ITGA9: variants seen among roughly 807,000 people sequenced by gnomAD.
ITGA9 encodes the protein integrin subunit alpha 9, also known as integrin alpha-9.
A neutral mutation model predicts 127.8 loss-of-function variants in ITGA9; 56 were observed. That is an observed-to-expected ratio of 0.44 (90% CI 0.35 to 0.55). ITGA9 has a LOEUF of 0.55. Among genes scored for constraint, ITGA9 ranks in the 20% least tolerant of loss-of-function variants. The pLI, the probability that ITGA9 is intolerant of heterozygous loss-of-function variation, is 0.00. For missense variants in ITGA9, 1,196 were observed against 1,347.1 expected, an observed-to-expected ratio of 0.89 and a Z score of 1.76; for synonymous variants, 508 against 514.5, an observed-to-expected ratio of 0.99 and a Z score of 0.17.
intron 20 of ITGA9, among the ~76,000 whole-genome samples, chr3:37,739,676 C>T (rs1448092820): frequency 2.6e-5 from 4 of 152,206 alleles, no homozygotes; most frequent in African/African-American, 9.7e-5. Context: ...TTTGGAATGA[C>T]GGGAAGCCTT....
chr3:37,495,115 C>T (rs537662078), intron 5 of ITGA9, among the ~76,000 whole-genome samples: 21 of 152,134 alleles, frequency 1.4e-4, no homozygotes, highest in African/African-American at 3.6e-4. Context: ...AGGCGCCCAC[C>T]GCCACACCTG....
At chr3:37,512,033 T>C (rs1698918935) in intron 8 of ITGA9, among the ~76,000 whole-genome samples, 2 of 44,744 alleles carry the variant, frequency 4.5e-5, no homozygotes, top group Non-Finnish European at 8.7e-5. Flanking sequence ...CTTTTCTTTC[T>C]TTCTTTCTTT....
chr3:37,682,869 C>T (rs72857294), intron 17 of ITGA9, among the ~76,000 whole-genome samples: 1,747 of 152,274 alleles, frequency 0.011, 42 homozygotes, highest in African/African-American at 0.04. Flanking sequence ...CCTCAGCTGC[C>T]ATCACCCTGG....
chr3:37,703,816 A>G (rs1700974253), intron 18 of ITGA9, among the ~76,000 whole-genome samples: 1 of 152,200 alleles, frequency 6.6e-6, no homozygotes, highest in African/African-American at 2.4e-5. Flanking sequence ...ACAGCAACCC[A>G]GTGAGGTATG....
At chr3:37,486,161 C>T (rs1698608223) in intron 4 of ITGA9, among the ~76,000 whole-genome samples, 1 of 152,204 alleles carries the variant, frequency 6.6e-6, no homozygotes, top group Non-Finnish European at 1.5e-5. Flanking sequence ...AGTGAGACTG[C>T]AAACAAGTTG....
chr3:37,625,684 G>C (rs183027871), intron 15 of ITGA9, among the ~76,000 whole-genome samples: 1 of 152,300 alleles, frequency 6.6e-6, no homozygotes, highest in East Asian at 1.9e-4. Context: ...ATCCTAAGGA[G>C]TTTCTCTGCT....
At chr3:37,497,137 A>C (rs112342963) in intron 5 of ITGA9, among the ~76,000 whole-genome samples, 7,267 of 152,200 alleles carry the variant, frequency 0.048, 477 homozygotes, top group South Asian at 0.2. Context: ...TGTTCTCAGT[A>C]CATTATTCTG....
chr3:37,784,445 C>T (rs1402647050), intron 25 of ITGA9, among the ~76,000 whole-genome samples: 1 of 152,176 alleles, frequency 6.6e-6, no homozygotes, highest in African/African-American at 2.4e-5. Context: ...CCTTCCCCAT[C>T]TCTCCATCAG....
At chr3:37,506,611 A>G (rs1698846421) in intron 7 of ITGA9, among the ~76,000 whole-genome samples, 1 of 152,216 alleles carries the variant, frequency 6.6e-6, no homozygotes, top group African/African-American at 2.4e-5. Flanking sequence ...CTTTCCCTAA[A>G]CTATAGTATC....
intron 18 of ITGA9, among the ~76,000 whole-genome samples, chr3:37,694,452 G>A (rs1426875814): frequency 1.3e-5 from 2 of 152,230 alleles, no homozygotes; most frequent in Non-Finnish European, 2.9e-5. Flanking sequence ...AGGAAGTGGT[G>A]GAGAAACGCA....
intron 23 of ITGA9, among the ~76,000 whole-genome samples, chr3:37,756,905 C>A (rs9849735): frequency 0.071 from 10,723 of 151,950 alleles, 1,138 homozygotes; most frequent in African/African-American, 0.23. Flanking sequence ...ATTTTAAACA[C>A]CATTCAAATT....
At chr3:37,563,583 A>G (rs964629769) in intron 15 of ITGA9, among the ~76,000 whole-genome samples, 2 of 152,028 alleles carry the variant, frequency 1.3e-5, no homozygotes, top group African/African-American at 4.8e-5. Flanking sequence ...ATTCTTTCTC[A>G]TTTTCTCCTG....
At chr3:37,703,366 A>T (rs1212925903) in intron 18 of ITGA9, among the ~76,000 whole-genome samples, 2 of 152,212 alleles carry the variant, frequency 1.3e-5, no homozygotes, top group African/African-American at 4.8e-5. Context: ...GAAGTTTTTG[A>T]TCAATTGGGT....
chr3:37,467,649 G>A (rs1240840855), intron 1 of ITGA9, among the ~76,000 whole-genome samples: 1 of 152,186 alleles, frequency 6.6e-6, no homozygotes, highest in Non-Finnish European at 1.5e-5. Context: ...TCACTCTTGT[G>A]AATTTTTTTG....
intron 15 of ITGA9, among the ~76,000 whole-genome samples, chr3:37,600,134 C>T (rs1699903583): frequency 6.6e-6 from 1 of 152,200 alleles, no homozygotes; most frequent in South Asian, 2.1e-4. Flanking sequence ...CTCAAGACCT[C>T]CTTAACATCC....
intron 25 of ITGA9, among the ~76,000 whole-genome samples, chr3:37,783,770 T>C (rs975119104): frequency 4.6e-5 from 7 of 152,240 alleles, no homozygotes; most frequent in African/African-American, 9.6e-5. Flanking sequence ...GTGAGTTAAC[T>C]GGAGTAACTC....
chr3:37,711,896 G>A (rs1701083406), intron 18 of ITGA9, among the ~76,000 whole-genome samples: 1 of 151,710 alleles, frequency 6.6e-6, no homozygotes. Context: ...GAATGCTGGT[G>A]GGCACGGACG....
At chr3:37,536,650 G>A (rs1699211030) in intron 14 of ITGA9, among the ~76,000 whole-genome samples, 8 of 152,354 alleles carry the variant, frequency 5.3e-5, no homozygotes, top group Admixed American at 4.6e-4. Context: ...AGACCACAGT[G>A]CCTACTTGGT....
chr3:37,819,156 G>C lies in ITGA9; in HGVS notation c.*167G>C. 1 of 665,618 alleles carries C rather than the reference G, an allele frequency of 1.5e-6. No homozygotes were observed. Among genetic ancestry groups the C allele is most frequent in the Non-Finnish European group, 2.7e-6 (1 of 365,772 alleles). 41.2% of individuals were successfully genotyped at this position (665,618 alleles called of 1,614,324 possible). A position where few individuals can be genotyped will look rare whatever the true frequency, so the allele number is the denominator to read the frequency against. ...GGTGCCAGCCTGAGGCAGCCACTTC[G>C]GCCAGGTCACACGACCGGGGCCAGC... On this transcript the variant is annotated 3_prime_UTR_variant, in exon 28 of 28. Coordinates refer to ENST00000264741, the MANE Select transcript of ITGA9 (RefSeq NM_002207.3).
Sources: gnomAD v4.1 joint callset for allele counts (sites outside exome capture counted in the v4.1 genomes callset) on GRCh38, gnomAD v4.1.1 for gene constraint, MANE v1.5 for transcripts, NCBI Gene and HGNC (gene_info 2026-07-23, HGNC 2026-07-21) for gene names.